KIF11: variants seen among roughly 807,000 people sequenced by gnomAD.
KIF11 encodes the protein kinesin family member 11.
A neutral mutation model predicts 121.0 loss-of-function variants in KIF11; 9 were observed. The observed-to-expected ratio is 0.07, with a 90% confidence interval of 0.04 to 0.13. KIF11 has a LOEUF of 0.13. Ranked by LOEUF, KIF11 falls within the 10% of genes least tolerant of loss-of-function variation. KIF11 has a pLI of 1.00. For synonymous variants in KIF11, 408 were observed against 421.0 expected (o/e 0.97, Z 0.38); for missense variants, 846 against 1,217.5 (o/e 0.69, Z 4.54).
chr10:92,609,821 C>T (rs1489730386), intron 6 of KIF11, among the ~76,000 whole-genome samples: 3 of 152,168 alleles, frequency 2.0e-5, no homozygotes, highest in Non-Finnish European at 4.4e-5. Flanking sequence ...ACTGCAACCT[C>T]TGCCCACCGG....
intron 1 of KIF11, among the ~76,000 whole-genome samples, chr10:92,603,470 C>T (rs1274804929): frequency 1.3e-5 from 2 of 151,514 alleles, no homozygotes; most frequent in African/African-American, 2.4e-5. Flanking sequence ...GGCACAGTCT[C>T]GGCTCACTGC....
chr10:92,623,347 AG>A (rs550073274), intron 10 of KIF11, among the ~76,000 whole-genome samples: 9 of 152,224 alleles, frequency 5.9e-5, no homozygotes, highest in Non-Finnish European at 1.3e-4. Flanking sequence ...CAATAATAAC[AG>A]AGAAAACAAG....
At chr10:92,625,744 A>G (rs1844669533) in intron 10 of KIF11, among the ~76,000 whole-genome samples, 1 of 152,194 alleles carries the variant, frequency 6.6e-6, no homozygotes, top group Admixed American at 6.5e-5. Flanking sequence ...TGGATACACA[A>G]TCATTGTACT....
rs138152039 is a variant in KIF11, at chr10:92,641,401, C to A, written c.2267+1501C>A. Among the ~76,000 whole-genome samples the A allele has an allele frequency of 5.1e-3, 777 of 152,214 alleles. 4 individuals are homozygous for A. The highest frequency in any genetic ancestry group is 0.018 in the African/African-American group (747 of 41,540). On this transcript the variant is annotated intron_variant, in intron 17 of 21. Transcript: ENST00000260731. The stretch of plus-strand genomic sequence containing the variant: ...ATTGTTTTTCTTTGTCTAAGAATGT[C>A]TTGATTTCCCCTTCATTCCTGAAAG...
chr10:92,635,349 C>G (rs1165263278), intron 14 of KIF11, among the ~76,000 whole-genome samples: 1 of 152,106 alleles, frequency 6.6e-6, no homozygotes, highest in Admixed American at 6.5e-5. Context: ...AGGCATACTT[C>G]AGAGATATTG....
At chr10:92,645,329 C>T (rs778333827) in intron 17 of KIF11, 34 bp from the exon 18 acceptor site, 1 of 1,506,774 alleles carries the variant, frequency 6.6e-7, no homozygotes, top group Non-Finnish European at 9.1e-7. Flanking sequence ...GTCTTAATTC[C>T]CCATTTCAAC....
At chr10:92,603,435 T>C (rs972196969) in intron 1 of KIF11, among the ~76,000 whole-genome samples, 3 of 151,188 alleles carry the variant, frequency 2.0e-5, no homozygotes, top group African/African-American at 7.3e-5. Flanking sequence ...GGAGTCTCAC[T>C]CTTTCACCCA....
chr10:92,614,958 T>C (rs1287889430), intron 8 of KIF11, among the ~76,000 whole-genome samples: 3 of 152,016 alleles, frequency 2.0e-5, no homozygotes, highest in Non-Finnish European at 4.4e-5. Flanking sequence ...GGCTAAGTTT[T>C]GTTTTGTTTT....
intron 8 of KIF11, among the ~76,000 whole-genome samples, chr10:92,615,330 C>T (rs1476075165): frequency 1.3e-5 from 2 of 151,912 alleles, no homozygotes; most frequent in East Asian, 3.9e-4. Flanking sequence ...TGCTTGAACC[C>T]AGGAGGTGGA....
chr10:92,607,674 G>A (rs951145687), intron 4 of KIF11, among the ~76,000 whole-genome samples: 19 of 152,186 alleles, frequency 1.2e-4, no homozygotes, highest in Non-Finnish European at 2.9e-5. Context: ...ATTGCAGAAA[G>A]CATATACTAT....
intron 10 of KIF11, 138 bp downstream of exon 10, chr10:92,621,611 T>TGTGTGTGTGTG (rs1564709442): frequency 3.5e-6 from 2 of 578,740 alleles, no homozygotes; most frequent in Non-Finnish European, 6.1e-6. Context: ...TGTGTGTGTG[T>TGTGTGTGTGTG]TTTCTTTTGA....
intron 17 of KIF11, among the ~76,000 whole-genome samples, chr10:92,644,173 A>G (rs145196685): frequency 1.3e-5 from 2 of 152,296 alleles, no homozygotes; most frequent in African/African-American, 4.8e-5. Context: ...GTTTCCCAGT[A>G]TGGTCTAGGG....
intron 1 of KIF11, among the ~76,000 whole-genome samples, chr10:92,605,479 C>T (rs890074992): frequency 2.4e-5 from 3 of 123,774 alleles, no homozygotes; most frequent in East Asian, 2.5e-4. Flanking sequence ...CTAATTTGAT[C>T]GGATTTTTTT....
Position 92,648,208 on chromosome 10 carries a change from A to T in KIF11, c.2548-4A>T, listed in dbSNP as rs779354885. ...TAATAAATATTTATTTGCATCATTT[A>T]CAGGTTGTAAGCCAATGTTGTGAGG... On this transcript the variant is annotated splice_region_variant and splice_polypyrimidine_tract_variant and intron_variant, in intron 18 of 21. Transcript: ENST00000260731. 3 of 1,559,222 alleles carry T rather than the reference A, an allele frequency of 1.9e-6. No homozygotes were observed. The highest frequency in any genetic ancestry group is 3.8e-5 in the Admixed American group (2 of 52,870).
intron 1 of KIF11, chr10:92,596,929 C>G (rs931780121): frequency 1.7e-5 from 5 of 300,624 alleles, no homozygotes; most frequent in Non-Finnish European, 3.4e-5. Flanking sequence ...TGCTATGTGT[C>G]TGCAGTGCTG....
chr10:92,650,549 G>C (rs1430753857), intron 21 of KIF11, 32 bp downstream of exon 21: 2 of 1,137,504 alleles, frequency 1.8e-6, no homozygotes, highest in Admixed American at 1.7e-5. Flanking sequence ...TTCCACATCT[G>C]ATGTAAGTCA....
At chr10:92,644,307 TGA>T (rs761852166) in intron 17 of KIF11, among the ~76,000 whole-genome samples, 1 of 152,088 alleles carries the variant, frequency 6.6e-6, no homozygotes, top group Non-Finnish European at 1.5e-5. Context: ...CATTAAGTTG[TGA>T]GATTTTGTTT....
intron 9 of KIF11, among the ~76,000 whole-genome samples, chr10:92,619,170 C>T (rs939389256): frequency 1.3e-5 from 2 of 152,128 alleles, no homozygotes; most frequent in South Asian, 4.1e-4. Flanking sequence ...GTGTTTGCCA[C>T]CATGTCCAGA....
At chr10:92,608,953 C>A in intron 4 of KIF11, 67 bp from the exon 5 acceptor site, 1 of 807,862 alleles carries the variant, frequency 1.2e-6, no homozygotes, top group Non-Finnish European at 1.9e-6. Context: ...ATAAAGGAGG[C>A]CCATGTATTT....
Sources: allele counts gnomAD v4.1 joint callset (sites outside exome capture counted in the v4.1 genomes callset), GRCh38; gene constraint gnomAD v4.1.1; transcripts MANE v1.5; gene names NCBI Gene and HGNC (gene_info 2026-07-23, HGNC 2026-07-21).